Variants in GUCY2F observed in about 807,000 individuals in gnomAD.
GUCY2F encodes retinal guanylyl cyclase 2.
GUCY2F carries 61 observed loss-of-function variants against 73.1 expected under a neutral mutation model. The ratio of observed to expected loss-of-function variants is 0.83; its 90% CI spans 0.68 to 1.03. The LOEUF is 1.03. GUCY2F is among the 50% of genes least tolerant of loss of function. The pLI is 0.00. For missense variants in GUCY2F, 912 were observed against 854.3 expected, an observed-to-expected ratio of 1.07 and a Z score of -0.84; for synonymous variants, 331 against 307.8, an observed-to-expected ratio of 1.08 and a Z score of -0.79.
In GUCY2F at chrX:109,481,525, C is replaced by T. The variant is rs575868039; in HGVS notation, c.-86+341G>A. Among the ~76,000 whole-genome samples, 49 of 111,633 alleles carry T rather than the reference C, an allele frequency of 4.4e-4. No homozygotes were observed. In the South Asian group the frequency reaches 0.017, roughly 40 times the overall value. ...GGCTCCTCATACCAGCTTGTCAAGC[C>T]GAGGACTTCTATGAAAGATTGATTT... On this transcript the variant is annotated intron_variant, in intron 1 of 19. Transcript: ENST00000218006.
chrX:109,420,378 C>A (rs1445290011), intron 8 of GUCY2F, among the ~76,000 whole-genome samples: 1 of 97,522 alleles, frequency 1.0e-5, no homozygotes, highest in Non-Finnish European at 2.1e-5. Context: ...GAGAGAAAGA[C>A]AAAGAGAAAG....
At chrX:109,416,372 C>A (rs1176298691) in intron 8 of GUCY2F, among the ~76,000 whole-genome samples, 1 of 109,905 alleles carries the variant, frequency 9.1e-6, no homozygotes, top group Non-Finnish European at 1.9e-5. Context: ...TAAATATGAA[C>A]CAATTGGAAA....
Position 109,453,529 on chromosome X carries a change from C to T in GUCY2F, c.1363G>A (p.Ala455Thr). Reference sequence around the variant, plus strand: ...CCTCCATGGCAGATCTTCCCTTCTGCAAACCAGCATTTTGCATCTGCTCTA... The same window carrying T: ...CCTCCATGGCAGATCTTCCCTTCTGTAAACCAGCATTTTGCATCTGCTCTA... ...PPRADAKCWF[A>T]EGKICHGGID... The change falls in exon 4 of 20, where the codon GCA becomes ACA. Residue 455 changes from alanine to threonine, a missense_variant. Physicochemically the swap from Ala to Thr is moderately conservative, Grantham distance 58. Coordinates refer to ENST00000218006, the MANE Select transcript of GUCY2F (RefSeq NM_001522.3). The T allele has an allele frequency of 8.3e-7, 1 of 1,202,684 alleles. No homozygotes were observed.
At chrX:109,477,414 C>A (rs900386176) in intron 1 of GUCY2F, among the ~76,000 whole-genome samples, 4 of 111,153 alleles carry the variant, frequency 3.6e-5, no homozygotes, top group African/African-American at 1.3e-4. Context: ...CAACAAGTGG[C>A]AATATCCAGT....
intron 1 of GUCY2F, among the ~76,000 whole-genome samples, chrX:109,479,695 A>G (rs753871647): frequency 8.9e-6 from 1 of 111,915 alleles, no homozygotes; most frequent in Non-Finnish European, 1.9e-5. Context: ...TGGTAGATCC[A>G]GTTCCTGATC....
intron 5 of GUCY2F, among the ~76,000 whole-genome samples, chrX:109,451,108 G>A (rs73530244): frequency 0.033 from 3,726 of 111,702 alleles, 130 homozygotes; most frequent in African/African-American, 0.11. Context: ...GTAGCAATGG[G>A]AAAATGGGAT....
At chrX:109,390,097 C>T (rs1175826667) in intron 14 of GUCY2F, among the ~76,000 whole-genome samples, 2 of 111,068 alleles carry the variant, frequency 1.8e-5, no homozygotes, top group African/African-American at 6.6e-5. Context: ...TAGTTGTTGA[C>T]CCTTTAGCTT....
intron 8 of GUCY2F, among the ~76,000 whole-genome samples, chrX:109,421,463 T>C (rs975705505): frequency 1.8e-5 from 2 of 111,611 alleles, no homozygotes; most frequent in Non-Finnish European, 3.8e-5. Flanking sequence ...GAGGACATTA[T>C]GCCAAGTGAA....
At position 109,375,891 on chromosome X, in the gene GUCY2F, C is replaced by T. The variant is rs1186739955; in HGVS notation, c.*1+7G>A. ...CTGCTGTGCTCTGTTTTCCTCCTGG[C>T]CATTACCTTATGGCTTGTTTCTCAC... On this transcript the variant is annotated splice_region_variant and intron_variant, in intron 19 of 19. Coordinates refer to ENST00000218006, the MANE Select transcript of GUCY2F (RefSeq NM_001522.3). 8.4e-7 allele frequency: 1 copy of T among 1,186,621 alleles called. No homozygotes were observed. Among genetic ancestry groups the T allele is most frequent in the South Asian group, 1.8e-5 (1 of 56,388 alleles).
chrX:109,416,200 GA>G (rs200345517), intron 8 of GUCY2F, among the ~76,000 whole-genome samples: 5,342 of 107,164 alleles, frequency 0.05, 319 homozygotes, highest in African/African-American at 0.16. Flanking sequence ...CATACTCCAG[GA>G]AAAAAAAAGG....
intron 10 of GUCY2F, 25 bp downstream of exon 10, chrX:109,404,303 C>G: frequency 3.6e-6 from 4 of 1,108,615 alleles, no homozygotes; most frequent in Non-Finnish European, 4.9e-6. Flanking sequence ...TCGTGTGCAT[C>G]AGAAGGGTAC....
At chrX:109,421,557 G>C (rs1931372584) in intron 8 of GUCY2F, among the ~76,000 whole-genome samples, 1 of 111,426 alleles carries the variant, frequency 9.0e-6, no homozygotes, top group African/African-American at 3.3e-5. Context: ...GGAACAGAAA[G>C]AGTGGTAGTT....
At chrX:109,394,934 C>T (rs1402501028) in intron 12 of GUCY2F, among the ~76,000 whole-genome samples, 2 of 112,326 alleles carry the variant, frequency 1.8e-5, no homozygotes, top group Non-Finnish European at 3.8e-5. Context: ...AATTGGTACA[C>T]TCATGAGAGT....
chrX:109,382,394 G>A (rs1449943897), intron 16 of GUCY2F, among the ~76,000 whole-genome samples, 182 bp from the exon 17 acceptor site: 2 of 112,303 alleles, frequency 1.8e-5, no homozygotes, highest in African/African-American at 3.2e-5. Context: ...TCACCAGGCC[G>A]AAATAAGGCA....
chrX:109,469,388 T>C (rs1485113912), intron 2 of GUCY2F, among the ~76,000 whole-genome samples: 1 of 111,013 alleles, frequency 9.0e-6, no homozygotes, highest in Non-Finnish European at 1.9e-5. Context: ...CACTTATTTC[T>C]CTCAGATTAC....
At chrX:109,402,281 G>A (rs1206233026) in intron 10 of GUCY2F, among the ~76,000 whole-genome samples, 2 of 110,826 alleles carry the variant, frequency 1.8e-5, no homozygotes, top group Non-Finnish European at 3.8e-5. Context: ...AGAGAGCCCT[G>A]CAGCTATCCT....
intron 1 of GUCY2F, among the ~76,000 whole-genome samples, chrX:109,480,961 G>A (rs1268528240): frequency 9.6e-6 from 1 of 104,422 alleles, no homozygotes; most frequent in Non-Finnish European, 2.0e-5. Flanking sequence ...AGGAAAAGAG[G>A]AAGGGGGAGG....
intron 2 of GUCY2F, among the ~76,000 whole-genome samples, chrX:109,471,893 G>A (rs1932582091): frequency 8.9e-6 from 1 of 112,041 alleles, no homozygotes; most frequent in African/African-American, 3.2e-5. Context: ...CTTGTAAAAT[G>A]TAGAGAGCTG....
At chrX:109,387,414 G>T (rs763818811) in intron 15 of GUCY2F, among the ~76,000 whole-genome samples, 1 of 111,940 alleles carries the variant, frequency 8.9e-6, no homozygotes, top group African/African-American at 3.2e-5. Flanking sequence ...TAGATGTGTC[G>T]AGTCTAAGGT....
Sources: gnomAD v4.1 joint callset for allele counts (sites outside exome capture counted in the v4.1 genomes callset) on GRCh38, gnomAD v4.1.1 for gene constraint, MANE v1.5 for transcripts, NCBI Gene and HGNC (gene_info 2026-07-23, HGNC 2026-07-21) for gene names.